AFG2A: variants seen among roughly 807,000 people sequenced by gnomAD.
The protein encoded by AFG2A is AAA ATPase AFG2A.
chr4:123,203,443 C>T, the AFG2A span, among the ~76,000 whole-genome samples: 2,229 of 152,304 alleles, frequency 0.015, 47 homozygotes, highest in African/African-American at 0.051. Flanking sequence ...CTGCCTCAGC[C>T]TCCTGAGTAG....
the AFG2A span, among the ~76,000 whole-genome samples, chr4:123,185,432 C>G: frequency 6.6e-6 from 1 of 152,090 alleles, no homozygotes; most frequent in African/African-American, 2.4e-5. Context: ...TCATGCAACT[C>G]TGTGAGAGTC....
chr4:123,004,957 C>A, the AFG2A span, among the ~76,000 whole-genome samples: 1 of 151,840 alleles, frequency 6.6e-6, no homozygotes, highest in Non-Finnish European at 1.5e-5. Flanking sequence ...TATATTTTTT[C>A]AAGAATTCTG....
the AFG2A span, among the ~76,000 whole-genome samples, chr4:123,205,609 T>C: frequency 0.56 from 84,505 of 151,916 alleles, 26,612 homozygotes; most frequent in Non-Finnish European, 0.69. Context: ...ATGCAGAGGT[T>C]ATACGCAAAT....
chr4:123,141,589 T>C, the AFG2A span, among the ~76,000 whole-genome samples: 3 of 152,244 alleles, frequency 2.0e-5, no homozygotes, highest in Non-Finnish European at 4.4e-5. Context: ...TAGGCTGGGC[T>C]AAGCTATGAT....
the AFG2A span, among the ~76,000 whole-genome samples, chr4:123,189,814 T>TTTC: frequency 1.7e-3 from 223 of 129,268 alleles, no homozygotes; most frequent in African/African-American, 6.3e-3. Flanking sequence ...ATTTGCTTTT[T>TTTC]TTTTTTTTTT....
the AFG2A span, among the ~76,000 whole-genome samples, chr4:123,157,798 AC>A: frequency 6.6e-6 from 1 of 152,098 alleles, no homozygotes; most frequent in Non-Finnish European, 1.5e-5. Flanking sequence ...GAAAGTAAAT[AC>A]CTCCCCCCTC....
chr4:123,194,414 A>G, the AFG2A span, among the ~76,000 whole-genome samples: 1 of 152,232 alleles, frequency 6.6e-6, no homozygotes, highest in African/African-American at 2.4e-5. Context: ...ATTCAAAGCC[A>G]TCCTGAGCCA....
At chr4:123,310,036 A>G in the AFG2A span, among the ~76,000 whole-genome samples, 9 of 152,366 alleles carry the variant, frequency 5.9e-5, no homozygotes, top group Non-Finnish European at 1.2e-4. Flanking sequence ...ACCAGCCATC[A>G]TGGACATCCT....
chr4:123,312,112 C>T, the AFG2A span, among the ~76,000 whole-genome samples: 10 of 152,274 alleles, frequency 6.6e-5, no homozygotes, highest in East Asian at 1.9e-3. Context: ...TTACACATAC[C>T]CCTATTAGCA....
the AFG2A span, among the ~76,000 whole-genome samples, chr4:123,293,336 G>A: frequency 5.9e-5 from 9 of 152,142 alleles, no homozygotes; most frequent in African/African-American, 2.2e-4. Context: ...CACTGCATCT[G>A]TGCCTCTGCT....
chr4:123,037,548 C>T, the AFG2A span, among the ~76,000 whole-genome samples: 1,759 of 152,024 alleles, frequency 0.012, 14 homozygotes, highest in Middle Eastern at 0.078. Context: ...TGAGCAAATA[C>T]GGGACTGAGA....
the AFG2A span, among the ~76,000 whole-genome samples, chr4:123,184,246 C>T: frequency 6.6e-6 from 1 of 152,206 alleles, no homozygotes; most frequent in African/African-American, 2.4e-5. Context: ...ACAAATGATA[C>T]TGGTCTGTTT....
chr4:123,191,858 C>G, the AFG2A span, among the ~76,000 whole-genome samples: 1 of 152,066 alleles, frequency 6.6e-6, no homozygotes. Context: ...CACACATATC[C>G]TCTCCCAGTC....
the AFG2A span, among the ~76,000 whole-genome samples, chr4:123,244,987 T>C: frequency 6.6e-6 from 1 of 152,168 alleles, no homozygotes; most frequent in Non-Finnish European, 1.5e-5. Context: ...AGGAGTAATA[T>C]AGAGAAGAAA....
At chr4:123,114,884 G>A in the AFG2A span, among the ~76,000 whole-genome samples, 1 of 152,222 alleles carries the variant, frequency 6.6e-6, no homozygotes, top group Non-Finnish European at 1.5e-5. Context: ...CTAGTCCTGT[G>A]AGTCCCAGTG....
the AFG2A span, among the ~76,000 whole-genome samples, chr4:123,161,976 G>A: frequency 3.9e-4 from 59 of 152,206 alleles, no homozygotes; most frequent in Middle Eastern, 3.4e-3. Flanking sequence ...TTGACGGGGA[G>A]GGAGGGATGA....
the AFG2A span, among the ~76,000 whole-genome samples, chr4:123,143,890 C>T: frequency 1.4e-5 from 2 of 145,910 alleles, no homozygotes; most frequent in South Asian, 4.3e-4. Context: ...ATCTATTTTT[C>T]CTTCTTTTCA....
chr4:122,972,400 ACAAC>A, the AFG2A span, among the ~76,000 whole-genome samples: 1 of 151,992 alleles, frequency 6.6e-6, no homozygotes, highest in African/African-American at 2.4e-5. Context: ...TCATTTTCAG[ACAAC>A]CAACCTTTGG....
chr4:123,065,921 T>C, the AFG2A span, among the ~76,000 whole-genome samples: 1 of 152,180 alleles, frequency 6.6e-6, no homozygotes, highest in East Asian at 1.9e-4. Flanking sequence ...TATTGGGGTA[T>C]TGTTTTATGA....
Sources: allele counts gnomAD v4.1 joint callset (sites outside exome capture counted in the v4.1 genomes callset), GRCh38; gene constraint gnomAD v4.1.1; transcripts MANE v1.5; gene names NCBI Gene and HGNC (gene_info 2026-07-23, HGNC 2026-07-21).